Variants in TNFRSF8 observed in about 807,000 individuals in gnomAD.
TNFRSF8 encodes the protein tumor necrosis factor receptor superfamily member 8.
In TNFRSF8, 26 loss-of-function variants were observed where a neutral mutation model predicts 70.8. That is an observed-to-expected ratio of 0.37 (90% CI 0.27 to 0.51). The LOEUF (loss-of-function observed/expected upper bound fraction) is 0.51, where lower values mean the gene tolerates loss of function less well. Among genes scored for constraint, TNFRSF8 ranks in the 20% least tolerant of loss-of-function variants. The pLI, the probability that TNFRSF8 is intolerant of heterozygous loss-of-function variation, is 0.94. For missense variants in TNFRSF8, 720 were observed against 807.9 expected (o/e 0.89, Z 1.32); for synonymous variants, 356 against 339.2 (o/e 1.05, Z -0.54).
Position 12,084,503 on chromosome 1 carries a change from CACT to C in TNFRSF8, c.108_110del (p.Tyr37del), listed in dbSNP as rs1486999723. The C allele has an allele frequency of 2.5e-6, 4 of 1,613,870 alleles. No individual in the cohort carries two copies. The highest frequency in any genetic ancestry group is 3.4e-6 in the Non-Finnish European group (4 of 1,179,956). ...GGACACCTGTCATGGAAACCCCAGC[CACT>C]ACTATGACAAGGCTGTCAGGAGGTG... On this transcript the variant is annotated inframe_deletion, in exon 2 of 15. Transcript: ENST00000263932.
At chr1:12,107,088 G>A (rs1404796230) in intron 4 of TNFRSF8, among the ~76,000 whole-genome samples, 1 of 152,178 alleles carries the variant, frequency 6.6e-6, no homozygotes, top group East Asian at 1.9e-4. Context: ...GTGGCACGTG[G>A]CCACGCACTT....
chr1:12,080,232 A>C, intron 1 of TNFRSF8: 1 of 514,652 alleles, frequency 1.9e-6, no homozygotes, highest in Non-Finnish European at 3.9e-6. Context: ...TACAGGCATG[A>C]GCCACCGTGC....
In TNFRSF8 at chr1:12,108,703, C is replaced by T. The variant is rs1289286464; in HGVS notation, c.422-863C>T. On this transcript the variant is annotated intron_variant, in intron 4 of 14. Coordinates refer to ENST00000263932, the MANE Select transcript of TNFRSF8 (RefSeq NM_001243.5). The surrounding 1 kb of genome is among the most constrained non-coding windows in gnomAD (Gnocchi z 4.0). ...TTGCAGGCACCTGTAATCCCAGCTA[C>T]TCAGGAGGCTGAGGCAGGAGAATTG... Among the ~76,000 whole-genome samples the T allele has an allele frequency of 1.3e-5, 2 of 152,254 alleles. No homozygotes were observed. Among genetic ancestry groups the T allele is most frequent in the South Asian group, 2.1e-4 (1 of 4,820 alleles).
Position 12,086,975 on chromosome 1 carries a change from T to C in TNFRSF8, c.151+2424T>C, listed in dbSNP as rs534632138. ...TTTGTGGGGGACACAATTCAGTCCATAGCACCATCGCCTTCCCATATCCCT... is the reference window on the plus strand; with the variant it reads ...TTTGTGGGGGACACAATTCAGTCCACAGCACCATCGCCTTCCCATATCCCT... On this transcript the variant is annotated intron_variant, in intron 2 of 14. Transcript: ENST00000263932. Among the ~76,000 whole-genome samples, 4 of 151,938 alleles carry C rather than the reference T, an allele frequency of 2.6e-5. No homozygotes were observed. In the South Asian group the frequency reaches 6.2e-4, roughly 24 times the overall value.
intron 12 of TNFRSF8, among the ~76,000 whole-genome samples, chr1:12,131,591 C>T (rs563045604): frequency 2.0e-5 from 3 of 152,278 alleles, no homozygotes; most frequent in Non-Finnish European, 2.9e-5. Flanking sequence ...CCTTGACCTC[C>T]TGGGTTCAAG....
intron 2 of TNFRSF8, among the ~76,000 whole-genome samples, chr1:12,089,746 G>A (rs895856948): frequency 6.6e-6 from 1 of 152,098 alleles, no homozygotes; most frequent in African/African-American, 2.4e-5. Context: ...TAGTTTCAAA[G>A]GAGGAAGAAT....
At position 12,113,637 on chromosome 1, in the gene TNFRSF8, CAG is replaced by C. The variant is rs931186579; in HGVS notation, c.793+1625_793+1626del. 5.4e-5 allele frequency among the ~76,000 whole-genome samples: 8 copies of C among 148,020 alleles called. No individual in the cohort carries two copies. The highest frequency in any genetic ancestry group is 2.0e-4 in the African/African-American group (8 of 39,892). ...AGACAGAAAGAGGGAGAGAGAGAGACAGAAAGAGAAAGAGACGGAGTGAGCGA... is the reference window on the plus strand; with the variant it reads ...AGACAGAAAGAGGGAGAGAGAGAGACAAAGAGAAAGAGACGGAGTGAGCGA... On this transcript the variant is annotated intron_variant, in intron 7 of 14. Coordinates refer to ENST00000263932, the MANE Select transcript of TNFRSF8 (RefSeq NM_001243.5). The surrounding 1 kb of genome is among the most constrained non-coding windows in gnomAD (Gnocchi z 4.9).
chr1:12,130,275 C>T (rs1420437917), intron 12 of TNFRSF8, among the ~76,000 whole-genome samples: 2 of 152,196 alleles, frequency 1.3e-5, no homozygotes, highest in Admixed American at 1.3e-4. Context: ...CTGTTCTGTT[C>T]AATGGGTTGT....
intron 1 of TNFRSF8, chr1:12,080,523 C>T (rs1198334018): frequency 4.9e-5 from 23 of 472,646 alleles, no homozygotes; most frequent in South Asian, 3.7e-4. Context: ...CTCCTGGGAA[C>T]GCTCTTTCGA....
intron 4 of TNFRSF8, among the ~76,000 whole-genome samples, chr1:12,104,921 GC>G (rs1286663078): frequency 1.3e-5 from 2 of 152,212 alleles, no homozygotes; most frequent in Admixed American, 6.5e-5. Flanking sequence ...AGTTAGAGGT[GC>G]TGAGAGATCT....
intron 2 of TNFRSF8, among the ~76,000 whole-genome samples, chr1:12,096,279 G>A (rs1055291905): frequency 1.3e-5 from 2 of 152,134 alleles, no homozygotes; most frequent in African/African-American, 4.8e-5. Flanking sequence ...TGTTTATCTC[G>A]AAATCAGGCT....
chr1:12,085,968 CTGTG>C (rs1027064736), intron 2 of TNFRSF8, among the ~76,000 whole-genome samples: 1 of 152,176 alleles, frequency 6.6e-6, no homozygotes, highest in Non-Finnish European at 1.5e-5. Context: ...GGGAGGGAGT[CTGTG>C]TGTGTCTGGT....
chr1:12,101,982 T>TTTTTGTTTTGTTTTGTTTTGTTTGAGACG (rs1641431988), intron 3 of TNFRSF8, among the ~76,000 whole-genome samples: 1 of 152,182 alleles, frequency 6.6e-6, no homozygotes, highest in African/African-American at 2.4e-5. Context: ...GCTTCCATTA[T>TTTTTGTTTTGTTTTGTTTTGTTTGAGACG]GATCTTGTGG....
At chr1:12,099,985 A>G (rs1466441969) in intron 3 of TNFRSF8, among the ~76,000 whole-genome samples, 1 of 152,162 alleles carries the variant, frequency 6.6e-6, no homozygotes, top group East Asian at 1.9e-4. Context: ...CCTGGCTAAC[A>G]TGGCGAAACC....
intron 4 of TNFRSF8, among the ~76,000 whole-genome samples, chr1:12,106,309 G>A (rs113810298): frequency 3.3e-5 from 5 of 151,946 alleles, no homozygotes; most frequent in Non-Finnish European, 7.4e-5. Flanking sequence ...CTCTGTCGGA[G>A]ACACCCTTCC....
rs978872000 is a variant in TNFRSF8 at position 12,143,833 on chromosome 1, C to T, written c.*1302C>T. ...GCAGGCCCGGGAAGGCTGCTGTTTA[C>T]TCATCGGGCAGCCACGTGCTCTCTG... is the stretch of plus-strand genomic sequence containing the variant. On this transcript the variant is annotated 3_prime_UTR_variant, in exon 15 of 15. Coordinates refer to ENST00000263932, the MANE Select transcript of TNFRSF8 (RefSeq NM_001243.5). This position sits in a 1 kb window ranked among gnomAD's most constrained non-coding sequence, Gnocchi z 4.1. 4.6e-5 allele frequency: 7 copies of T among 152,230 alleles called. No homozygotes were observed. Among genetic ancestry groups the T allele is most frequent in the African/African-American group, 1.7e-4 (7 of 41,454 alleles). The allele number at this position is 152,230 out of a possible 1,614,324, so 9.4% of individuals were successfully genotyped here. A position where few individuals can be genotyped will look rare whatever the true frequency, so the allele number is the denominator to read the frequency against.
At chr1:12,079,934 A>G (rs1304258199) in intron 1 of TNFRSF8, among the ~76,000 whole-genome samples, 2 of 141,090 alleles carry the variant, frequency 1.4e-5, no homozygotes, top group African/African-American at 5.3e-5. Context: ...TCACTACTTT[A>G]TTTTTTAATT....
intron 12 of TNFRSF8, among the ~76,000 whole-genome samples, chr1:12,127,034 C>G (rs946765199): frequency 6.6e-6 from 1 of 152,178 alleles, no homozygotes; most frequent in African/African-American, 2.4e-5. Context: ...CCAGGCAGCC[C>G]TTGGGAGCTG....
At chr1:12,105,336 C>G (rs1003994772) in intron 4 of TNFRSF8, among the ~76,000 whole-genome samples, 7 of 152,174 alleles carry the variant, frequency 4.6e-5, no homozygotes, top group Non-Finnish European at 1.0e-4. Flanking sequence ...GCAGTCACCC[C>G]CATCGCTACC....
Sources: allele counts gnomAD v4.1 joint callset (sites outside exome capture counted in the v4.1 genomes callset), GRCh38; gene constraint gnomAD v4.1.1; non-coding constraint Gnocchi (gnomAD v3.1); transcripts MANE v1.5; gene names NCBI Gene and HGNC (gene_info 2026-07-23, HGNC 2026-07-21).